Variants in CMIP observed in about 807,000 individuals in gnomAD.
CMIP encodes c-Maf inducing protein, also known as C-Maf-inducing protein.
Under a neutral mutation model 97.3 loss-of-function variants are expected in CMIP, and 13 were observed. The ratio of observed to expected loss-of-function variants is 0.13; its 90% CI spans 0.09 to 0.21. CMIP has a LOEUF of 0.21. Ranked by LOEUF, CMIP falls within the 10% of genes least tolerant of loss-of-function variation. The pLI is 1.00. For missense variants in CMIP, 847 were observed against 1,024.9 expected, an observed-to-expected ratio of 0.83 and a Z score of 2.37; for synonymous variants, 538 against 436.3, an observed-to-expected ratio of 1.23 and a Z score of -2.91.
At chr16:81,660,733 T>C (rs1249936025) in intron 5 of CMIP, 151 bp from the exon 6 acceptor site, 6 of 899,578 alleles carry the variant, frequency 6.7e-6, no homozygotes, top group Non-Finnish European at 1.1e-5. Flanking sequence ...TTTCTTTTCT[T>C]TTTTTTTCTG....
At chr16:81,500,448 C>T (rs1446213915) in intron 1 of CMIP, among the ~76,000 whole-genome samples, 23 of 117,072 alleles carry the variant, frequency 2.0e-4, no homozygotes, top group East Asian at 5.9e-4. Flanking sequence ...TCTCTCCCTT[C>T]CTCCCTCCCT....
chr16:81,573,499 T>A (rs118054858), intron 1 of CMIP, among the ~76,000 whole-genome samples: 2,368 of 152,316 alleles, frequency 0.016, 25 homozygotes, highest in Middle Eastern at 0.037. Context: ...ATTCCACCTT[T>A]GGCCTGGGAT....
rs544811620 is a variant in CMIP at position 81,499,548 on chromosome 16, G to T, written c.300+54007G>T. ...CCTCACCTTAGCATCCGCCTGTCCC[G>T]GCGCCCATGTAGCTTCCTTGTCATC... is the stretch of plus-strand genomic sequence containing the variant. On this transcript the variant is annotated intron_variant, in intron 1 of 20. Coordinates refer to ENST00000537098, the MANE Select transcript of CMIP (RefSeq NM_198390.3). 7.9e-5 allele frequency among the ~76,000 whole-genome samples: 12 copies of T among 152,346 alleles called. No homozygotes were observed. The South Asian group carries it at 2.1e-3, about 26-fold the overall frequency.
intron 19 of CMIP, 65 bp from the exon 20 acceptor site, chr16:81,706,949 C>A (rs1908218019): frequency 4.2e-6 from 6 of 1,428,562 alleles, no homozygotes; most frequent in African/African-American, 2.8e-5. Context: ...TCCAGCTTGG[C>A]CATCCCATAC....
chr16:81,538,241 A>G (rs9922045), intron 1 of CMIP, among the ~76,000 whole-genome samples: 8,510 of 152,288 alleles, frequency 0.056, 277 homozygotes, highest in Middle Eastern at 0.088. Context: ...AGCGACACCC[A>G]TAAGCATGGG....
intron 1 of CMIP, among the ~76,000 whole-genome samples, chr16:81,480,100 G>C (rs1002579021): frequency 1.3e-5 from 2 of 152,188 alleles, no homozygotes; most frequent in Non-Finnish European, 2.9e-5. Context: ...AGCCTTTTCC[G>C]AGCGATTCTA....
chr16:81,549,978 C>T (rs981395241), intron 1 of CMIP, among the ~76,000 whole-genome samples: 9 of 152,196 alleles, frequency 5.9e-5, no homozygotes, highest in African/African-American at 9.7e-5. Context: ...TCCAAGTGCC[C>T]ATGTGCATAT....
intron 1 of CMIP, among the ~76,000 whole-genome samples, chr16:81,548,157 A>G (rs1597541972): frequency 1.5e-5 from 2 of 129,044 alleles, no homozygotes. Flanking sequence ...TTTTTGAGAC[A>G]GGGTCTCCCT....
intron 1 of CMIP, among the ~76,000 whole-genome samples, 197 bp downstream of exon 1, chr16:81,445,738 G>A (rs1438817984): frequency 3.3e-5 from 5 of 152,126 alleles, no homozygotes; most frequent in Non-Finnish European, 5.9e-5. Context: ...GCCCAAACCA[G>A]CCGACCGGGC....
intron 1 of CMIP, among the ~76,000 whole-genome samples, chr16:81,449,784 G>A (rs1906097128): frequency 6.6e-6 from 1 of 152,154 alleles, no homozygotes; most frequent in Non-Finnish European, 1.5e-5. Flanking sequence ...GAGACAGAGA[G>A]GAGAAAAAGT....
At chr16:81,512,725 A>G (rs2089837539) in intron 1 of CMIP, among the ~76,000 whole-genome samples, 1 of 152,134 alleles carries the variant, frequency 6.6e-6, no homozygotes, top group African/African-American at 2.4e-5. Flanking sequence ...TGGCCACAAA[A>G]TAATTATAAT....
At chr16:81,591,905 C>T (rs12716917) in intron 1 of CMIP, among the ~76,000 whole-genome samples, 1 of 150,476 alleles carries the variant, frequency 6.6e-6, no homozygotes, top group Non-Finnish European at 1.5e-5. Flanking sequence ...GCTCACTGCA[C>T]CCTCCACCTC....
rs2090392862 is a variant in CMIP, at chr16:81,538,716, A to T, written c.301-68851A>T. On this transcript the variant is annotated intron_variant, in intron 1 of 20. Coordinates refer to ENST00000537098, the MANE Select transcript of CMIP (RefSeq NM_198390.3). Reference sequence around the variant, plus strand: ...TCCACCCTGAAGAATGTGTCAGGATATTCTCATTCCAAGGAAATAGAAAAA... The same window carrying T: ...TCCACCCTGAAGAATGTGTCAGGATTTTCTCATTCCAAGGAAATAGAAAAA... Among the ~76,000 whole-genome samples the T allele has an allele frequency of 1.3e-5, 2 of 152,192 alleles. 1 individual carries two copies. The highest frequency in any genetic ancestry group is 2.9e-5 in the Non-Finnish European group (2 of 68,044).
chr16:81,571,941 A>G (rs2091098070), intron 1 of CMIP, among the ~76,000 whole-genome samples: 1 of 152,152 alleles, frequency 6.6e-6, no homozygotes, highest in African/African-American at 2.4e-5. Flanking sequence ...GCCCCCACCC[A>G]GCTGCCCTCA....
chr16:81,551,807 C>A (rs1454248185), intron 1 of CMIP, among the ~76,000 whole-genome samples: 2 of 152,208 alleles, frequency 1.3e-5, no homozygotes, highest in Non-Finnish European at 2.9e-5. Context: ...GGACAGTTCC[C>A]CTGGATGCAT....
intron 1 of CMIP, chr16:81,519,755 T>C (rs774062362): frequency 6.6e-6 from 1 of 152,252 alleles, no homozygotes; most frequent in Admixed American, 6.5e-5. Flanking sequence ...CAGTTTGACA[T>C]GGCTCACTCA....
At position 81,696,659 on chromosome 16, in the gene CMIP, G is replaced by A. The variant is rs1386252046; in HGVS notation, c.1630G>A (p.Ala544Thr). The A allele has an allele frequency of 6.2e-6, 10 of 1,605,784 alleles. No homozygotes were observed. The highest frequency in any genetic ancestry group is 5.0e-5 in the Admixed American group (3 of 59,988). ...VACDDDGELF[A>T]SMVHILMGSC... ...CTGCGACGATGACGGGGAGCTGTTC[G>A]CCAGCATGGTACGCAGTGGGACCCC... The change falls in exon 14 of 21, where the codon GCC becomes ACC. Residue 544 changes from alanine to threonine, a missense_variant. Ala to Thr is a moderately conservative substitution (Grantham distance 58, BLOSUM62 0). Transcript: ENST00000537098.
At chr16:81,602,541 A>G (rs922768855) in intron 1 of CMIP, among the ~76,000 whole-genome samples, 1 of 152,186 alleles carries the variant, frequency 6.6e-6, no homozygotes, top group Non-Finnish European at 1.5e-5. Flanking sequence ...CCCACAGTCA[A>G]TACAGAGAAT....
At chr16:81,643,119 C>T (rs764609584) in intron 3 of CMIP, among the ~76,000 whole-genome samples, 3 of 152,268 alleles carry the variant, frequency 2.0e-5, no homozygotes, top group Middle Eastern at 3.4e-3. Context: ...ATGTGACCTG[C>T]GCAAGGTATG....
Sources: allele counts gnomAD v4.1 joint callset (sites outside exome capture counted in the v4.1 genomes callset), GRCh38; gene constraint gnomAD v4.1.1; transcripts MANE v1.5; gene names NCBI Gene and HGNC (gene_info 2026-07-23, HGNC 2026-07-21).